WRN: variants seen among roughly 807,000 people sequenced by gnomAD.
WRN encodes the protein WRN RecQ like helicase.
WRN carries 149 observed loss-of-function variants against 180.7 expected under a neutral mutation model. That is an observed-to-expected ratio of 0.82 (90% CI 0.72 to 0.94). The LOEUF (loss-of-function observed/expected upper bound fraction) is 0.94. WRN is among the 40% of genes least tolerant of loss of function. The pLI is 0.00. For missense variants in WRN, 1,661 were observed against 1,700.1 expected (o/e 0.98, Z 0.40); for synonymous variants, 548 against 568.9 (o/e 0.96, Z 0.52).
At chr8:31,168,774 C>A (rs1803995942) in intron 34 of WRN, among the ~76,000 whole-genome samples, 1 of 152,120 alleles carries the variant, frequency 6.6e-6, no homozygotes, top group African/African-American at 2.4e-5. Flanking sequence ...TGATTTATAT[C>A]CCTTAGTCTA....
chr8:31,091,271 A>T (rs1045350319), intron 15 of WRN, among the ~76,000 whole-genome samples: 1 of 152,124 alleles, frequency 6.6e-6, no homozygotes, highest in Non-Finnish European at 1.5e-5. Context: ...ACATGGAAGT[A>T]TATTTTTTAT....
At chr8:31,128,451 C>G (rs918248896) in intron 23 of WRN, among the ~76,000 whole-genome samples, 1 of 152,156 alleles carries the variant, frequency 6.6e-6, no homozygotes, top group Non-Finnish European at 1.5e-5. Context: ...GTCCAAAACC[C>G]TAAGATCTGG....
Position 31,141,725 on chromosome 8 carries a change from C to G in WRN, c.3183C>G (p.Leu1061=). The G allele has an allele frequency of 6.2e-7, 1 of 1,614,132 alleles. No homozygotes were observed. The highest frequency in any genetic ancestry group is 1.1e-5 in the South Asian group (1 of 91,074). The change falls in exon 26 of 35, where the codon CTC becomes CTG. Residue 1061 remains leucine (L), a synonymous_variant. Coordinates refer to ENST00000298139, the MANE Select transcript of WRN (RefSeq NM_000553.6). ...AAGCTAATACAGAATCTCAGAGCCT[C>G]ATCCTTCAAGCTAATGAAGAATTGT... is the stretch of plus-strand genomic sequence containing the variant. The part of the protein sequence containing the change: ...LHKANTESQS[L]ILQANEELCP...
Position 31,150,328 on chromosome 8 carries a change from T to C in WRN, c.3573-13T>C. ...GACCTTTTTGTTGTTGTTGTTGTTG[T>C]TGTTAAACACAGACCAACTACGGTT... On this transcript the variant is annotated splice_polypyrimidine_tract_variant and intron_variant, in intron 30 of 34. Transcript: ENST00000298139. 1.9e-6 allele frequency: 3 copies of C among 1,604,640 alleles called. No individual in the cohort carries two copies. The highest frequency in any genetic ancestry group is 2.6e-6 in the Non-Finnish European group (3 of 1,171,310).
intron 17 of WRN, among the ~76,000 whole-genome samples, chr8:31,097,589 G>A (rs1483892898): frequency 2.0e-5 from 3 of 152,120 alleles, no homozygotes; most frequent in Non-Finnish European, 4.4e-5. Context: ...TTAAGCCTCA[G>A]TATAGTGAGA....
At chr8:31,054,425 T>C (rs1812187306) in intron 1 of WRN, among the ~76,000 whole-genome samples, 2 of 152,204 alleles carry the variant, frequency 1.3e-5, no homozygotes, top group Admixed American at 1.3e-4. Context: ...GATCTCACTA[T>C]GTTGACCAAG....
intron 1 of WRN, among the ~76,000 whole-genome samples, chr8:31,047,037 C>CT (rs1443444732): frequency 6.6e-6 from 1 of 151,608 alleles, no homozygotes; most frequent in Admixed American, 6.6e-5. Flanking sequence ...TTTCCAGTTT[C>CT]TTTTTTACCA....
chr8:31,088,008 TC>T, intron 12 of WRN, 88 bp downstream of exon 12: 1 of 1,551,232 alleles, frequency 6.4e-7, no homozygotes, highest in Non-Finnish European at 8.7e-7. Flanking sequence ...GGTTTGGAGG[TC>T]AGGGACTTTG....
chr8:31,056,928 T>A (rs1442952660), intron 1 of WRN, among the ~76,000 whole-genome samples: 1 of 152,158 alleles, frequency 6.6e-6, no homozygotes. Flanking sequence ...TTGATGTCAT[T>A]GGGATGTTTA....
chr8:31,140,063 T>G (rs990238238), intron 24 of WRN, among the ~76,000 whole-genome samples: 6 of 139,708 alleles, frequency 4.3e-5, no homozygotes, highest in Non-Finnish European at 1.5e-5. Context: ...TTGCTCAGTC[T>G]GTAGTGCAGT....
rs1235053179 is a variant in WRN at position 31,096,959 on chromosome 8, A to G, written c.1981+109A>G. 1.9e-5 allele frequency: 20 copies of G among 1,026,110 alleles called. No individual in the cohort carries two copies. In the East Asian group the frequency reaches 4.0e-4, roughly 21 times the overall value. 63.6% of individuals were successfully genotyped at this position (1,026,110 alleles called of 1,614,324 possible). A position where few individuals can be genotyped will look rare whatever the true frequency, so the allele number is the denominator to read the frequency against. On this transcript the variant is annotated intron_variant, in intron 17 of 34. Coordinates refer to ENST00000298139, the MANE Select transcript of WRN (RefSeq NM_000553.6). ...TCTGTTAAAGTTTATTTCAAACATT[A>G]CTTCCTCCAGGAAATCTCTGACTCT...
chr8:31,127,601 C>A (rs1563367576), intron 23 of WRN, among the ~76,000 whole-genome samples: 1 of 150,470 alleles, frequency 6.6e-6, no homozygotes, highest in African/African-American at 2.4e-5. Flanking sequence ...AAAACAAAAA[C>A]AAAAAAAATA....
chr8:31,130,667 C>T (rs1189896487), intron 23 of WRN, among the ~76,000 whole-genome samples: 1 of 148,196 alleles, frequency 6.7e-6, no homozygotes, highest in South Asian at 2.2e-4. Flanking sequence ...AAGCAAGACA[C>T]TTGACTAAGG....
intron 1 of WRN, among the ~76,000 whole-genome samples, chr8:31,037,525 C>G (rs954992276): frequency 2.0e-5 from 3 of 152,140 alleles, no homozygotes; most frequent in Non-Finnish European, 2.9e-5. Flanking sequence ...GGTTTGGGGT[C>G]TTACATTTAA....
rs1378766075 is a variant in WRN at position 31,111,802 on chromosome 8, A to G, written c.2273+3A>G. On this transcript the variant is annotated splice_donor_region_variant and intron_variant, in intron 19 of 34. Coordinates refer to ENST00000298139, the MANE Select transcript of WRN (RefSeq NM_000553.6). ...CAGCCATTTCTTGTCAAAACAAGGT[A>G]AGGATTTAATGGTTGATGAATTTTG... is the stretch of plus-strand genomic sequence containing the variant. 4 of 1,613,670 alleles carry G rather than the reference A, an allele frequency of 2.5e-6. No homozygotes were observed. The highest frequency in any genetic ancestry group is 3.4e-6 in the Non-Finnish European group (4 of 1,179,870).
intron 1 of WRN, among the ~76,000 whole-genome samples, chr8:31,043,630 G>T (rs562581366): frequency 6.6e-6 from 1 of 152,132 alleles, no homozygotes; most frequent in South Asian, 2.1e-4. Context: ...TTAACCTCAG[G>T]ACTCCAATTT....
chr8:31,036,399 A>T (rs1438649475), intron 1 of WRN, among the ~76,000 whole-genome samples: 3 of 152,132 alleles, frequency 2.0e-5, no homozygotes, highest in African/African-American at 7.2e-5. Context: ...GATTTGCTGG[A>T]CCCGCTTGTA....
At chr8:31,155,530 G>C (rs2130473836) in intron 32 of WRN, among the ~76,000 whole-genome samples, 1 of 151,808 alleles carries the variant, frequency 6.6e-6, no homozygotes, top group South Asian at 2.1e-4. Context: ...GCGGAGACAT[G>C]GGACTTGCAT....
At chr8:31,067,306 A>T in intron 6 of WRN, 124 bp downstream of exon 6, 1 of 1,158,720 alleles carries the variant, frequency 8.6e-7, no homozygotes, top group Non-Finnish European at 1.2e-6. Flanking sequence ...TCAATTTGGC[A>T]TTGAAAAATG....
Sources: allele counts gnomAD v4.1 joint callset (sites outside exome capture counted in the v4.1 genomes callset), GRCh38; gene constraint gnomAD v4.1.1; transcripts MANE v1.5; gene names NCBI Gene and HGNC (gene_info 2026-07-23, HGNC 2026-07-21).